CALCOCO2: variants seen among roughly 807,000 people sequenced by gnomAD.
CALCOCO2 encodes calcium binding and coiled-coil domain 2.
CALCOCO2 carries 42 observed loss-of-function variants against 62.5 expected under a neutral mutation model. That is an observed-to-expected ratio of 0.67 (90% CI 0.53 to 0.87). CALCOCO2 has a LOEUF of 0.87. Among genes scored for constraint, CALCOCO2 ranks in the 40% least tolerant of loss-of-function variants. The probability of loss-of-function intolerance (pLI) is 0.00; values close to 1 mark genes in which losing one functional copy is unlikely to be tolerated. For synonymous variants in CALCOCO2, 167 were observed against 173.0 expected, an observed-to-expected ratio of 0.97 and a Z score of 0.27; for missense variants, 456 against 515.0, an observed-to-expected ratio of 0.89 and a Z score of 1.11.
intron 10 of CALCOCO2, among the ~76,000 whole-genome samples, chr17:48,858,697 G>T (rs991826789): frequency 6.6e-6 from 1 of 151,680 alleles, no homozygotes; most frequent in Admixed American, 6.6e-5. Context: ...TTTGATTGTG[G>T]GGGGGGGCAG....
intron 12 of CALCOCO2, 106 bp from the exon 13 acceptor site, chr17:48,862,732 T>C (rs2040345759): frequency 1.2e-6 from 1 of 857,252 alleles, no homozygotes; most frequent in South Asian, 1.5e-5. Flanking sequence ...CCTAACCATG[T>C]GCCAGTCATT....
intron 4 of CALCOCO2, 119 bp from the exon 5 acceptor site, chr17:48,849,133 C>T (rs2143623371): frequency 1.1e-6 from 1 of 877,722 alleles, no homozygotes; most frequent in South Asian, 1.6e-5. Context: ...CAGCCCCCAT[C>T]TGGGATACAT....
intron 1 of CALCOCO2, chr17:48,831,657 A>G (rs1423809274): frequency 6.6e-6 from 1 of 152,176 alleles, no homozygotes; most frequent in Non-Finnish European, 1.5e-5. Flanking sequence ...TCTACAGTTA[A>G]TCCATTGCCC....
chr17:48,847,102 AT>A (rs2040062995), intron 2 of CALCOCO2, among the ~76,000 whole-genome samples: 3 of 152,178 alleles, frequency 2.0e-5, no homozygotes, highest in Admixed American at 2.0e-4. Flanking sequence ...TAATATCTTT[AT>A]TACCAAAAAG....
In CALCOCO2 at chr17:48,858,059, T is replaced by TAGAATAGAATAGAATAGAAC. The variant is rs1567759621; in HGVS notation, c.1008+1887_1008+1888insAGAACAGAATAGAATAGAAT. ...GAATAGAATAGAAAATAGAATAGAA[T>TAGAATAGAATAGAATAGAAC]AGAATAGAATAGAATTTTACCATCT... On this transcript the variant is annotated intron_variant, in intron 10 of 12. Transcript: ENST00000258947. Among the ~76,000 whole-genome samples, 5 of 136,896 alleles carry TAGAATAGAATAGAATAGAAC rather than the reference T, an allele frequency of 3.7e-5. 1 individual carries two copies. Among genetic ancestry groups the TAGAATAGAATAGAATAGAAC allele is most frequent in the Non-Finnish European group, 6.4e-5 (4 of 62,696 alleles). 89.8% of individuals were successfully genotyped at this position (136,896 alleles called of 152,430 possible).
At chr17:48,855,890 C>A in intron 9 of CALCOCO2, 14 of 266,562 alleles carry the variant, frequency 5.3e-5, no homozygotes, top group Non-Finnish European at 7.7e-5. Flanking sequence ...AAATTGGCAT[C>A]TTGATGCCAG....
At chr17:48,835,866 C>A (rs1007324498) in intron 1 of CALCOCO2, among the ~76,000 whole-genome samples, 2 of 152,096 alleles carry the variant, frequency 1.3e-5, no homozygotes, top group African/African-American at 4.8e-5. Context: ...TCTCTTGCCT[C>A]AGCCTCCTGA....
intron 10 of CALCOCO2, among the ~76,000 whole-genome samples, chr17:48,859,055 A>G (rs2040287121): frequency 6.7e-6 from 1 of 148,940 alleles, no homozygotes; most frequent in Admixed American, 6.7e-5. Flanking sequence ...CAAAAAAAAA[A>G]AAAAAAAAAA....
intron 10 of CALCOCO2, among the ~76,000 whole-genome samples, chr17:48,857,841 G>A (rs567468386): frequency 6.7e-6 from 1 of 149,674 alleles, no homozygotes; most frequent in Admixed American, 6.7e-5. Context: ...AGCGAGCTTG[G>A]TGGCAGGCGC....
intron 2 of CALCOCO2, chr17:48,846,433 C>T (rs1302479519): frequency 7.7e-7 from 1 of 1,295,012 alleles, no homozygotes; most frequent in South Asian, 1.3e-5. Context: ...TCATACTCTC[C>T]TTGACTTAGG....
chr17:48,858,909 G>C (rs796287029), intron 10 of CALCOCO2, among the ~76,000 whole-genome samples: 3 of 151,804 alleles, frequency 2.0e-5, no homozygotes, highest in African/African-American at 7.2e-5. Context: ...GCCAGGTGTG[G>C]TGGTGCATGC....
chr17:48,861,197 G>A (rs1343023000), intron 11 of CALCOCO2, among the ~76,000 whole-genome samples: 3 of 152,020 alleles, frequency 2.0e-5, no homozygotes, highest in African/African-American at 7.2e-5. Context: ...GTGAAACCCT[G>A]TCTCTACTAA....
At chr17:48,850,977 A>G in intron 5 of CALCOCO2, 112 bp from the exon 6 acceptor site, 1 of 658,728 alleles carries the variant, frequency 1.5e-6, no homozygotes. Context: ...CTGCTGTGTC[A>G]TGCTATGCCT....
intron 8 of CALCOCO2, 83 bp from the exon 9 acceptor site, chr17:48,852,840 CTCA>C (rs1471611618): frequency 2.5e-5 from 27 of 1,098,352 alleles, no homozygotes; most frequent in Admixed American, 3.6e-5. Context: ...ATCCTGCTTG[CTCA>C]TTAGCTTAGC....
chr17:48,851,348 G>GA (rs1338339923), intron 6 of CALCOCO2, 171 bp downstream of exon 6: 1 of 627,240 alleles, frequency 1.6e-6, no homozygotes. Flanking sequence ...GAATAGTCAG[G>GA]AAAAATGATC....
In CALCOCO2 at chr17:48,861,661, G is replaced by GTA. The variant is rs59973644; in HGVS notation, c.1145-600_1145-599dup. Among the ~76,000 whole-genome samples, 281 of 135,132 alleles carry GTA rather than the reference G, an allele frequency of 2.1e-3. 1 individual carries two copies. The highest frequency in any genetic ancestry group is 3.4e-3 in the African/African-American group (114 of 34,010). 88.7% of individuals were successfully genotyped at this position (135,132 alleles called of 152,430 possible). On this transcript the variant is annotated intron_variant, in intron 11 of 12. Coordinates refer to ENST00000258947, the MANE Select transcript of CALCOCO2 (RefSeq NM_005831.5). ...TATGTATATATATATATGTGTGTGTGTATATATATATATATAAAGCCTGTG... is the reference window on the plus strand; with the variant it reads ...TATGTATATATATATATGTGTGTGTGTATATATATATATATATAAAGCCTGTG...
intron 1 of CALCOCO2, among the ~76,000 whole-genome samples, chr17:48,835,224 A>G (rs2039874780): frequency 6.6e-6 from 1 of 152,172 alleles, no homozygotes; most frequent in Non-Finnish European, 1.5e-5. Flanking sequence ...AACTCAGTAG[A>G]TGCCCTCCCT....
chr17:48,849,496 A>G, intron 5 of CALCOCO2, 119 bp downstream of exon 5: 1 of 835,166 alleles, frequency 1.2e-6, no homozygotes, highest in Non-Finnish European at 1.9e-6. Flanking sequence ...AGTATCTTTG[A>G]ACAGGCATTA....
chr17:48,833,188 T>G (rs1449883363), intron 1 of CALCOCO2, among the ~76,000 whole-genome samples: 1 of 152,234 alleles, frequency 6.6e-6, no homozygotes, highest in Non-Finnish European at 1.5e-5. Context: ...TGTAAGCATT[T>G]CTGCCATAGC....
Sources: gnomAD v4.1 joint callset for allele counts (sites outside exome capture counted in the v4.1 genomes callset) on GRCh38, gnomAD v4.1.1 for gene constraint, MANE v1.5 for transcripts, NCBI Gene and HGNC (gene_info 2026-07-23, HGNC 2026-07-21) for gene names.